CLEC12A: variants seen among roughly 807,000 people sequenced by gnomAD.
CLEC12A encodes C-type lectin domain family 12 member A.
Under a neutral mutation model 26.5 loss-of-function variants are expected in CLEC12A, and 22 were observed. The ratio of observed to expected loss-of-function variants is 0.83; its 90% CI spans 0.59 to 1.19. The LOEUF (loss-of-function observed/expected upper bound fraction) is 1.19, where lower values mean the gene tolerates loss of function less well. CLEC12A is among the 50% of genes most tolerant of loss of function. CLEC12A has a pLI of 0.00. For missense variants in CLEC12A, 353 were observed against 315.6 expected, an observed-to-expected ratio of 1.12 and a Z score of -0.90; for synonymous variants, 119 against 101.9, an observed-to-expected ratio of 1.17 and a Z score of -1.01.
At chr12:9,998,387 G>A, downstream of CLEC12A, 1 of 1,605,958 alleles carries the variant, frequency 6.2e-7, no homozygotes, top group Non-Finnish European at 8.5e-7. Flanking sequence ...CCAACTGTAG[G>A]CATATAATAA....
intron 1 of CLEC12A, among the ~76,000 whole-genome samples, chr12:9,963,534 G>C (rs1217934231): frequency 6.6e-6 from 1 of 151,652 alleles, no homozygotes; most frequent in African/African-American, 2.4e-5. Flanking sequence ...GAGAGCAATA[G>C]TGGAGGCAGA....
chr12:9,961,735 G>A (rs898094701), intron 1 of CLEC12A, among the ~76,000 whole-genome samples: 4 of 151,708 alleles, frequency 2.6e-5, no homozygotes, highest in Admixed American at 2.6e-4. Context: ...AAAATTATGA[G>A]ACAACCTAAA....
chr12:9,989,374 A>AG (rs941421863), downstream of CLEC12A, among the ~76,000 whole-genome samples: 9 of 151,778 alleles, frequency 5.9e-5, no homozygotes, highest in Non-Finnish European at 1.2e-4. Context: ...AATAAAAAAA[A>AG]AGAAATTACA....
chr12:9,976,484 C>T (rs1296446272), intron 1 of CLEC12A, among the ~76,000 whole-genome samples: 1 of 152,206 alleles, frequency 6.6e-6, no homozygotes, highest in Non-Finnish European at 1.5e-5. Flanking sequence ...TGGCCAATTT[C>T]TCCCATTTGG....
intron 1 of CLEC12A, among the ~76,000 whole-genome samples, chr12:9,953,655 C>G (rs1435043825): frequency 5.3e-5 from 8 of 151,506 alleles, no homozygotes; most frequent in African/African-American, 1.9e-4. Context: ...CCCGGCCGCC[C>G]CTACTGGGAA....
intron 5 of CLEC12A, among the ~76,000 whole-genome samples, chr12:9,984,534 C>A (rs1179715593): frequency 6.6e-6 from 1 of 151,898 alleles, no homozygotes; most frequent in Admixed American, 6.6e-5. Flanking sequence ...CTACTCCTAG[C>A]CAGTTAGACT....
intron 1 of CLEC12A, among the ~76,000 whole-genome samples, chr12:9,966,177 G>A (rs1285816314): frequency 6.6e-6 from 1 of 152,182 alleles, no homozygotes; most frequent in Non-Finnish European, 1.5e-5. Flanking sequence ...AGTTATGAAG[G>A]CAAGGGAAAC....
At chr12:9,953,650 C>T (rs1401489096) in intron 1 of CLEC12A, among the ~76,000 whole-genome samples, 2 of 151,216 alleles carry the variant, frequency 1.3e-5, no homozygotes, top group Admixed American at 6.6e-5. Flanking sequence ...CTCTGCCCGG[C>T]CGCCCCTACT....
chr12:9,989,776 C>G (rs1864852236), downstream of CLEC12A, among the ~76,000 whole-genome samples: 1 of 152,112 alleles, frequency 6.6e-6, no homozygotes, highest in Non-Finnish European at 1.5e-5. Context: ...GATTTTTATA[C>G]CTAGAGAGGA....
intron 3 of CLEC12A, among the ~76,000 whole-genome samples, chr12:9,980,294 TAA>T (rs535785554): frequency 3.4e-5 from 5 of 146,522 alleles, no homozygotes; most frequent in Non-Finnish European, 7.6e-5. Context: ...CCCTTCGATG[TAA>T]AAAAAAAAGA....
At chr12:9,951,441 G>A (rs748338810) in intron 1 of CLEC12A, 1 of 701,290 alleles carries the variant, frequency 1.4e-6, no homozygotes, top group African/African-American at 1.7e-5. Flanking sequence ...GGCAAGTTCA[G>A]CAAGGCCAAC....
chr12:9,974,589 C>T (rs901582586), intron 1 of CLEC12A, among the ~76,000 whole-genome samples: 1 of 152,140 alleles, frequency 6.6e-6, no homozygotes, highest in Non-Finnish European at 1.5e-5. Flanking sequence ...ATTAAATACA[C>T]ATATAAATAT....
At chr12:9,961,741 C>A (rs929269613) in intron 1 of CLEC12A, among the ~76,000 whole-genome samples, 1 of 151,636 alleles carries the variant, frequency 6.6e-6, no homozygotes, top group African/African-American at 2.4e-5. Context: ...ATGAGACAAC[C>A]TAAAAAAAAA....
At chr12:9,986,424 C>CCG (rs1555143737), downstream of CLEC12A, among the ~76,000 whole-genome samples, 1 of 136,074 alleles carries the variant, frequency 7.3e-6, no homozygotes, top group Non-Finnish European at 1.6e-5. Flanking sequence ...TCCCCCCCCC[C>CCG]CTTTTTTTCT....
At position 9,979,535 on chromosome 12, in the gene CLEC12A, A is replaced by G. The variant is rs1864470415; in HGVS notation, c.379+11A>G. 1.3e-6 allele frequency: 2 copies of G among 1,594,316 alleles called. No homozygotes were observed. Among genetic ancestry groups the G allele is most frequent in the Admixed American group, 1.7e-5 (1 of 57,520 alleles). ...ATAGCAAAGAACAAGGTAATCTTGT[A>G]TTCTCTTGGAGTTATTTATTGGACA... is the stretch of plus-strand genomic sequence containing the variant. On this transcript the variant is annotated intron_variant, in intron 3 of 5. Transcript: ENST00000304361.
chr12:9,979,264 A>G (rs1444593921), intron 2 of CLEC12A, 72 bp from the exon 3 acceptor site: 4 of 1,216,076 alleles, frequency 3.3e-6, no homozygotes, highest in African/African-American at 1.5e-5. Flanking sequence ...TCTTTATACT[A>G]CTTCTGCAAA....
chr12:9,982,210 A>G, intron 5 of CLEC12A, 81 bp downstream of exon 5: 1 of 712,942 alleles, frequency 1.4e-6, no homozygotes, highest in Non-Finnish European at 2.4e-6. Context: ...GATTCAAATT[A>G]AAACCAGCTT....
chr12:9,955,441 G>A (rs916074299), intron 1 of CLEC12A, among the ~76,000 whole-genome samples: 5 of 152,120 alleles, frequency 3.3e-5, no homozygotes, highest in African/African-American at 1.2e-4. Context: ...TATAAAAATG[G>A]TTAACAAGGA....
At chr12:9,974,876 A>G (rs1236539533) in intron 1 of CLEC12A, among the ~76,000 whole-genome samples, 3 of 152,188 alleles carry the variant, frequency 2.0e-5, no homozygotes, top group African/African-American at 7.2e-5. Context: ...AGCTCCCATA[A>G]GTCCCACATG....
Sources: gnomAD v4.1 joint callset for allele counts (sites outside exome capture counted in the v4.1 genomes callset) on GRCh38, gnomAD v4.1.1 for gene constraint, MANE v1.5 for transcripts, NCBI Gene and HGNC (gene_info 2026-07-23, HGNC 2026-07-21) for gene names.